The following POU2F3 variants were observed in gnomAD, a reference collection of about 807,000 sequenced individuals.
POU2F3 encodes POU domain, class 2, transcription factor 3.
A neutral mutation model predicts 59.2 loss-of-function variants in POU2F3; 23 were observed. That is an observed-to-expected ratio of 0.39 (90% CI 0.28 to 0.55). The LOEUF (loss-of-function observed/expected upper bound fraction) is 0.55. Ranked by LOEUF, POU2F3 falls within the 20% of genes least tolerant of loss-of-function variation. The probability of loss-of-function intolerance (pLI) is 0.66; values close to 1 mark genes in which losing one functional copy is unlikely to be tolerated. For synonymous variants in POU2F3, 190 were observed against 214.6 expected, an observed-to-expected ratio of 0.89 and a Z score of 1.00; for missense variants, 473 against 544.5, an observed-to-expected ratio of 0.87 and a Z score of 1.31.
chr11:120,317,362 AG>A lies in POU2F3; in HGVS notation c.1271+1del. 1 of 1,614,164 alleles carries A rather than the reference AG, an allele frequency of 6.2e-7. No homozygotes were observed. On this transcript the variant is annotated frameshift_variant and splice_region_variant, in exon 12 of 13. Transcript: ENST00000543440. LOFTEE classifies it high-confidence loss of function. ...ACTCCGCCTCCAGTTTTAACTCTTC[AG>A]GGTAAGGTGAAGGGGACGGTGCAGA... is the stretch of plus-strand genomic sequence containing the variant. Reference protein sequence around the residue: ...VNSASSFNSSGSWYRWNHSTY... With the variant: ...VNSASSFNSSXSWYRWNHSTY...
intron 6 of POU2F3, chr11:120,304,473 G>A (rs1255765006): frequency 6.6e-6 from 1 of 152,158 alleles, no homozygotes; most frequent in Non-Finnish European, 1.5e-5. Flanking sequence ...AAAGAAAATG[G>A]TGGTTTAGAA....
At chr11:120,288,829 T>TACACAC (rs1394927038) in intron 3 of POU2F3, among the ~76,000 whole-genome samples, 2 of 149,918 alleles carry the variant, frequency 1.3e-5, no homozygotes, top group Non-Finnish European at 2.9e-5. Flanking sequence ...ATGTATTACA[T>TACACAC]ATGTACATGT....
chr11:120,268,922 G>A (rs1433911506), intron 2 of POU2F3, among the ~76,000 whole-genome samples: 1 of 152,152 alleles, frequency 6.6e-6, no homozygotes, highest in East Asian at 1.9e-4. Context: ...GAGCTCTCCA[G>A]TTGGCATGGC....
intron 1 of POU2F3, among the ~76,000 whole-genome samples, chr11:120,240,875 C>T (rs1469945883): frequency 6.6e-6 from 1 of 152,014 alleles, no homozygotes; most frequent in East Asian, 1.9e-4. Context: ...CAGAGGTGCC[C>T]CTGGGGCAGG....
intron 2 of POU2F3, chr11:120,253,650 TC>T (rs1228689048): frequency 6.6e-6 from 1 of 152,252 alleles, no homozygotes; most frequent in Non-Finnish European, 1.5e-5. Flanking sequence ...GCGGGGACTT[TC>T]TACCTAAAGA....
At chr11:120,292,484 C>T (rs144747005) in intron 3 of POU2F3, among the ~76,000 whole-genome samples, 19 of 152,332 alleles carry the variant, frequency 1.2e-4, no homozygotes, top group South Asian at 2.1e-4. Flanking sequence ...CATTTCTTCC[C>T]GCCTCCCACA....
intron 12 of POU2F3, among the ~76,000 whole-genome samples, chr11:120,317,812 G>T (rs1022289307): frequency 6.6e-6 from 1 of 152,222 alleles, no homozygotes. Context: ...TCCCAGCTGG[G>T]ATGCAGTGGG....
At chr11:120,289,610 G>C (rs892642017) in intron 3 of POU2F3, among the ~76,000 whole-genome samples, 1 of 152,158 alleles carries the variant, frequency 6.6e-6, no homozygotes, top group African/African-American at 2.4e-5. Flanking sequence ...ATCCTGAACA[G>C]GAAGAGAAAG....
At chr11:120,302,237 T>A (rs748553418) in intron 5 of POU2F3, 49 bp from the exon 6 acceptor site, 1 of 1,500,248 alleles carries the variant, frequency 6.7e-7, no homozygotes, top group Admixed American at 1.7e-5. Context: ...GTGTTTCAAA[T>A]AGCCTGGATT....
At chr11:120,240,411 C>T in intron 1 of POU2F3, 40 bp downstream of exon 1, 1 of 1,363,160 alleles carries the variant, frequency 7.3e-7, no homozygotes, top group Admixed American at 2.9e-5. Flanking sequence ...GGTGTCACTG[C>T]GCGTGGGCAG....
intron 2 of POU2F3, chr11:120,256,506 A>C (rs1333929320): frequency 6.6e-6 from 1 of 152,036 alleles, no homozygotes; most frequent in Non-Finnish European, 1.5e-5. Flanking sequence ...CTATACATTC[A>C]CTCGTGGTCA....
At chr11:120,254,420 G>C (rs942369899) in intron 2 of POU2F3, among the ~76,000 whole-genome samples, 2 of 152,316 alleles carry the variant, frequency 1.3e-5, no homozygotes, top group East Asian at 3.9e-4. Flanking sequence ...GCTTGAGGAA[G>C]TTTGTGAAAC....
chr11:120,269,332 T>A, intron 3 of POU2F3, 88 bp downstream of exon 3: 2 of 1,174,502 alleles, frequency 1.7e-6, no homozygotes, highest in Non-Finnish European at 2.5e-6. Flanking sequence ...CAAGATTAAG[T>A]ACAGTTTGGG....
In POU2F3 at chr11:120,269,297, C is replaced by G. The variant is rs953321830; in HGVS notation, c.132+53C>G. ...TTATTCTATAAAATTTGGGCATCAC[C>G]TATACTGTCTGGTATGGAGGAAGAC... is the stretch of plus-strand genomic sequence containing the variant. On this transcript the variant is annotated intron_variant, in intron 3 of 12. Transcript: ENST00000543440. The G allele has an allele frequency of 5.0e-6, 7 of 1,412,262 alleles. No homozygotes were observed. The Admixed American group carries it at 6.8e-5, about 14-fold the overall frequency. 87.5% of individuals were successfully genotyped at this position (1,412,262 alleles called of 1,614,324 possible).
At chr11:120,309,390 C>T (rs199912730) in intron 9 of POU2F3, 35 bp from the exon 10 acceptor site, 1 of 1,570,108 alleles carries the variant, frequency 6.4e-7, no homozygotes, top group East Asian at 2.3e-5. Context: ...TGATTCCCTT[C>T]TCTTGGCCAT....
intron 4 of POU2F3, 122 bp from the exon 5 acceptor site, chr11:120,299,502 C>T: frequency 4.0e-6 from 3 of 757,522 alleles, no homozygotes; most frequent in East Asian, 2.7e-5. Context: ...GTGGCATAAA[C>T]CAAGGTCAGC....
chr11:120,282,203 A>G (rs954770328), intron 3 of POU2F3, among the ~76,000 whole-genome samples: 1 of 152,206 alleles, frequency 6.6e-6, no homozygotes, highest in African/African-American at 2.4e-5. Context: ...AAGCAGTCAT[A>G]AGAAAGCCAT....
Position 120,240,327 on chromosome 11 carries a change from G to GC in POU2F3, c.-13dup, listed in dbSNP as rs778416625. ...GGGGCCTGGGGGGGCGCTGGCTTTG[G>GC]CCCCGCCTGGGGCAGGATGGTGAAT... On this transcript the variant is annotated 5_prime_UTR_variant, in exon 1 of 13. Transcript: ENST00000543440. The GC allele has an allele frequency of 3.6e-6, 5 of 1,381,684 alleles. No homozygotes were observed. Among genetic ancestry groups the GC allele is most frequent in the South Asian group, 4.1e-5 (2 of 49,004 alleles). 85.6% of individuals were successfully genotyped at this position (1,381,684 alleles called of 1,614,324 possible).
chr11:120,295,228 C>T (rs1941160635), intron 3 of POU2F3, among the ~76,000 whole-genome samples: 1 of 152,326 alleles, frequency 6.6e-6, no homozygotes, highest in African/African-American at 2.4e-5. Flanking sequence ...TAACAGATAG[C>T]GCCCAGGTTG....
Sources: allele counts gnomAD v4.1 joint callset (sites outside exome capture counted in the v4.1 genomes callset), GRCh38; gene constraint gnomAD v4.1.1; transcripts MANE v1.5; gene names NCBI Gene and HGNC (gene_info 2026-07-23, HGNC 2026-07-21).